The following PLCD4 variants were observed in gnomAD, a reference collection of about 807,000 sequenced individuals.
PLCD4 encodes the protein 1-phosphatidylinositol 4,5-bisphosphate phosphodiesterase delta-4.
Under a neutral mutation model 90.2 loss-of-function variants are expected in PLCD4, and 63 were observed. The observed-to-expected ratio is 0.70, with a 90% CI of 0.57 to 0.86. The LOEUF is 0.86. Ranked by LOEUF, PLCD4 falls within the 40% of genes least tolerant of loss-of-function variation. The pLI is 0.00. For missense variants in PLCD4, 830 were observed against 956.3 expected, an observed-to-expected ratio of 0.87 and a Z score of 1.74; for synonymous variants, 294 against 356.5, an observed-to-expected ratio of 0.82 and a Z score of 1.97.
chr2:218,631,345 GTA>G (rs888496646), intron 9 of PLCD4, among the ~76,000 whole-genome samples: 2 of 152,018 alleles, frequency 1.3e-5, no homozygotes, highest in African/African-American at 4.8e-5. Flanking sequence ...TTGTATTTTA[GTA>G]GAGATGAGAT....
chr2:218,613,904 G>C (rs1350368653), intron 1 of PLCD4, among the ~76,000 whole-genome samples: 1 of 152,120 alleles, frequency 6.6e-6, no homozygotes, highest in Non-Finnish European at 1.5e-5. Flanking sequence ...GCTAGAATCA[G>C]TGTGGCCACA....
chr2:218,633,218 CCTTT>C, intron 10 of PLCD4: 4 of 594,286 alleles, frequency 6.7e-6, no homozygotes, highest in South Asian at 4.3e-5. Context: ...GGTTATTGTT[CCTTT>C]GTTTTAAATG....
At chr2:218,625,137 GAAAGAAAGAAA>G (rs1696060139) in intron 6 of PLCD4, among the ~76,000 whole-genome samples, 1 of 104,692 alleles carries the variant, frequency 9.6e-6, no homozygotes, top group Non-Finnish European at 2.0e-5. Flanking sequence ...AAAAAAGAAA[GAAAGAAAGAAA>G]AAAGAAATAG....
In PLCD4 at chr2:218,635,834, C is replaced by A; in HGVS notation, c.1935C>A (p.Thr645=). The change falls in exon 14 of 16, where the codon ACC becomes ACA. Residue 645 remains threonine, a synonymous_variant. Transcript: ENST00000450993. ...AGCAACTCCCCAAAGTGGACAAGAC[C>A]AAAGAGGGGTCCATTGTGGATCCAC... is the stretch of plus-strand genomic sequence containing the variant. The part of the protein sequence containing the change: ...SGQQLPKVDK[T]KEGSIVDPLV... 1 of 1,613,718 alleles carries A rather than the reference C, an allele frequency of 6.2e-7. No individual in the cohort carries two copies. The highest frequency in any genetic ancestry group is 8.5e-7 in the Non-Finnish European group (1 of 1,179,834).
chr2:218,631,748 C>T (rs1478582536), intron 9 of PLCD4, among the ~76,000 whole-genome samples: 1 of 150,730 alleles, frequency 6.6e-6, no homozygotes, highest in East Asian at 2.0e-4. Flanking sequence ...GCTGAGATTG[C>T]GCCACTGCAC....
At chr2:218,620,466 A>T (rs112324614) in intron 4 of PLCD4, among the ~76,000 whole-genome samples, 1 of 151,816 alleles carries the variant, frequency 6.6e-6, no homozygotes, top group Non-Finnish European at 1.5e-5. Context: ...GTGCCACTGC[A>T]CTCTAGCCTG....
At position 218,634,669 on chromosome 2, in the gene PLCD4, A is replaced by T. The variant is rs771342574; in HGVS notation, c.1896+39A>T. The T allele has an allele frequency of 6.2e-7, 1 of 1,602,924 alleles. No homozygotes were observed. The highest frequency in any genetic ancestry group is 8.5e-7 in the Non-Finnish European group (1 of 1,172,202). ...AAACTGTTGGGAAGAAACTGAGATA[A>T]CTGGGATAGAAGTGAGGGAAGAGGT... On this transcript the variant is annotated intron_variant, in intron 13 of 15. Coordinates refer to ENST00000450993, the MANE Select transcript of PLCD4 (RefSeq NM_032726.4). The surrounding 1 kb of genome is among the most constrained non-coding windows in gnomAD (Gnocchi z 4.0).
Position 218,630,679 on chromosome 2 carries a change from G to A in PLCD4, c.1149G>A (p.Leu383=), listed in dbSNP as rs1225079667. The A allele has an allele frequency of 6.2e-7, 1 of 1,614,006 alleles. No individual in the cohort carries two copies. The highest frequency in any genetic ancestry group is 1.1e-5 in the South Asian group (1 of 91,082). ...QTSDYPVILS[L]ETHCSWEQQQ... ...CAGACTACCCAGTCATCTTGTCCCT[G>A]GAGACCCACTGCAGCTGGGAGCAGC... Residue 383 remains leucine (L), a synonymous_variant, in exon 9 of 16, where the codon CTG becomes CTA. Transcript: ENST00000450993.
chr2:218,614,440 C>T (rs920043027), intron 1 of PLCD4, among the ~76,000 whole-genome samples: 14 of 151,684 alleles, frequency 9.2e-5, no homozygotes, highest in African/African-American at 2.2e-4. Context: ...TGTGAGCCAC[C>T]GTGCCCAGCC....
chr2:218,632,120 C>A lies in PLCD4; in HGVS notation c.1273-16C>A, dbSNP rs1446510293. 1 of 1,590,448 alleles carries A rather than the reference C, an allele frequency of 6.3e-7. No individual in the cohort carries two copies. Among genetic ancestry groups the A allele is most frequent in the Non-Finnish European group, 8.6e-7 (1 of 1,168,888 alleles). ...GAGCAGACAGGTAGACAGGCCCCTT[C>A]ATTTTTGTCCCCTAGGAGCTTCGGA... is the stretch of plus-strand genomic sequence containing the variant. On this transcript the variant is annotated splice_polypyrimidine_tract_variant and intron_variant, in intron 9 of 15. Transcript: ENST00000450993.
At chr2:218,608,358 C>G (rs1271729939) in intron 1 of PLCD4, among the ~76,000 whole-genome samples, 1 of 152,122 alleles carries the variant, frequency 6.6e-6, no homozygotes, top group Non-Finnish European at 1.5e-5. Flanking sequence ...GAACTCCACC[C>G]CCAATAAGGG....
rs1178892931 is a variant in PLCD4, at chr2:218,634,118, G to A, written c.1620G>A (p.Val540=). 6.2e-7 allele frequency: 1 copy of A among 1,610,944 alleles called. No homozygotes were observed. The highest frequency in any genetic ancestry group is 8.5e-7 in the Non-Finnish European group (1 of 1,178,570). The change falls in exon 12 of 16, where the codon GTG becomes GTA. Residue 540 remains valine, a synonymous_variant. Coordinates refer to ENST00000450993, the MANE Select transcript of PLCD4 (RefSeq NM_032726.4). The surrounding 1 kb of genome is among the most constrained non-coding windows in gnomAD (Gnocchi z 4.0). ...RLIKEAGNEF[V]QHNTWQLSRV... is the part of the protein sequence containing the mutation. Reference sequence around the variant, plus strand: ...ACCCTTTTACAGGCAATGAGTTTGTGCAGCACAATACTTGGCAGTTAAGCC... The same window carrying A: ...ACCCTTTTACAGGCAATGAGTTTGTACAGCACAATACTTGGCAGTTAAGCC...
At chr2:218,633,205 A>C (rs12989189) in intron 10 of PLCD4, 70,082 of 589,446 alleles carry the variant, frequency 0.12, 4,422 homozygotes, top group Middle Eastern at 0.14. Context: ...CATTTTGACC[A>C]AAGGTTATTG....
intron 14 of PLCD4, 150 bp downstream of exon 14, chr2:218,636,081 A>G: frequency 2.1e-6 from 3 of 1,436,126 alleles, no homozygotes; most frequent in African/African-American, 1.4e-5. Flanking sequence ...CTCTTCACTT[A>G]AAAGCTCCAG....
chr2:218,612,467 A>G (rs1695383095), intron 1 of PLCD4, among the ~76,000 whole-genome samples: 1 of 152,176 alleles, frequency 6.6e-6, no homozygotes, highest in Admixed American at 6.5e-5. Flanking sequence ...CCTATACATT[A>G]CTACCCATTT....
chr2:218,635,714 T>G (rs1240585719), intron 13 of PLCD4, 82 bp from the exon 14 acceptor site: 7 of 1,496,882 alleles, frequency 4.7e-6, no homozygotes, highest in African/African-American at 4.2e-5. Context: ...CCAAAAAGCT[T>G]CTTCTCCCCT....
At chr2:218,616,964 A>AT (rs1695638122) in intron 3 of PLCD4, among the ~76,000 whole-genome samples, 4 of 105,734 alleles carry the variant, frequency 3.8e-5, no homozygotes, top group African/African-American at 1.3e-4. Context: ...AGAGAGAGAG[A>AT]GAGAGAGAGA....
chr2:218,621,416 A>G (rs1695874749), intron 4 of PLCD4, 54 bp from the exon 5 acceptor site: 1 of 1,604,058 alleles, frequency 6.2e-7, no homozygotes, highest in African/African-American at 1.3e-5. Context: ...AGGTGCACAC[A>G]CAACTGCACA....
intron 1 of PLCD4, among the ~76,000 whole-genome samples, chr2:218,613,071 C>A (rs1017337520): frequency 5.3e-5 from 8 of 152,146 alleles, no homozygotes; most frequent in Admixed American, 2.0e-4. Context: ...AAGATGTGCA[C>A]CACTGTCAAA....
Sources: gnomAD v4.1 joint callset for allele counts (sites outside exome capture counted in the v4.1 genomes callset) on GRCh38, gnomAD v4.1.1 for gene constraint, Gnocchi (gnomAD v3.1) non-coding constraint, MANE v1.5 for transcripts, NCBI Gene and HGNC (gene_info 2026-07-23, HGNC 2026-07-21) for gene names.